Variants in TEP1 observed in about 807,000 individuals in gnomAD.
TEP1 encodes the protein telomerase associated protein 1, also known as telomerase protein component 1.
Under a neutral mutation model 306.3 loss-of-function variants are expected in TEP1, and 241 were observed. That is an observed-to-expected ratio of 0.79 (90% CI 0.71 to 0.88). TEP1 has a LOEUF of 0.88. TEP1 is among the 40% of genes least tolerant of loss of function. The pLI is 0.00. For missense variants in TEP1, 3,051 were observed against 3,276.1 expected, an observed-to-expected ratio of 0.93 and a Z score of 1.68; for synonymous variants, 1,289 against 1,305.5, an observed-to-expected ratio of 0.99 and a Z score of 0.27.
In TEP1 at chr14:20,403,394, T is replaced by G; in HGVS notation, c.1249A>C (p.Arg417=). 2 of 1,614,084 alleles carry G rather than the reference T, an allele frequency of 1.2e-6. No individual in the cohort carries two copies. The highest frequency in any genetic ancestry group is 1.7e-6 in the Non-Finnish European group (2 of 1,179,952). Residue 417 remains arginine (R), a synonymous_variant, in exon 7 of 55, where the codon AGA becomes CGA. Transcript: ENST00000262715. ...RCFPRYIGFL[R]EEQRKFEKAG... ...GGACTCACCTTTCTCTGCTCTTCTC[T>G]GAGAAACCCTATGTACCTTGGAAAA...
rs931480989 is a variant in TEP1, at chr14:20,384,488, C to A, written c.3242G>T (p.Gly1081Val). ...TCRRYPCEWGGVAAGRPYVGG... is the reference protein window; with the variant it reads ...TCRRYPCEWGVVAAGRPYVGG... The stretch of plus-strand genomic sequence containing the variant: ...AACATAGGGCCGGCCAGCTGCCACA[C>A]CCCCCCACTCACAGGGGTATCTGTG... The change falls in exon 23 of 55, where the codon GGT becomes GTT. Residue 1081 changes from glycine (G) to valine (V), a missense_variant. Transcript: ENST00000262715. The A allele has an allele frequency of 1.2e-6, 2 of 1,613,530 alleles. No homozygotes were observed. Among genetic ancestry groups the A allele is most frequent in the African/African-American group, 2.7e-5 (2 of 75,008 alleles).
chr14:20,375,315 C>T (rs1326118228), intron 43 of TEP1, among the ~76,000 whole-genome samples: 1 of 152,084 alleles, frequency 6.6e-6, no homozygotes, highest in Non-Finnish European at 1.5e-5. Flanking sequence ...TGTCACCACG[C>T]CTGGCTAATT....
At chr14:20,394,513 C>T (rs367966080) in intron 12 of TEP1, among the ~76,000 whole-genome samples, 140 of 131,640 alleles carry the variant, frequency 1.1e-3, no homozygotes, top group African/African-American at 3.8e-3. Flanking sequence ...GAGTCTCACT[C>T]TTGTTGCCCA....
At chr14:20,411,011 A>T (rs896726905) in intron 1 of TEP1, among the ~76,000 whole-genome samples, 1 of 151,666 alleles carries the variant, frequency 6.6e-6, no homozygotes, top group Non-Finnish European at 1.5e-5. Flanking sequence ...TAGTAGAGAC[A>T]GGGTTTCACC....
chr14:20,377,839 G>T, intron 39 of TEP1, 86 bp from the exon 40 acceptor site: 1 of 1,553,494 alleles, frequency 6.4e-7, no homozygotes, highest in Non-Finnish European at 8.8e-7. Flanking sequence ...CCCCATTAAA[G>T]TCCTCCTTCC....
intron 16 of TEP1, 133 bp from the exon 17 acceptor site, chr14:20,389,430 T>A: frequency 7.0e-7 from 1 of 1,420,726 alleles, no homozygotes; most frequent in South Asian, 1.2e-5. Flanking sequence ...AGGGCTAGGG[T>A]GGACTCTCAC....
chr14:20,393,669 G>A (rs12882604), intron 12 of TEP1, among the ~76,000 whole-genome samples: 25,391 of 151,988 alleles, frequency 0.17, 2,962 homozygotes, highest in East Asian at 0.32. Flanking sequence ...GTATGCACCT[G>A]TAATCCCAGC....
Position 20,401,585 on chromosome 14 carries a change from T to C in TEP1, c.1267-4A>G. On this transcript the variant is annotated splice_region_variant and splice_polypyrimidine_tract_variant and intron_variant, in intron 7 of 54. Coordinates refer to ENST00000262715, the MANE Select transcript of TEP1 (RefSeq NM_007110.5). ...CTGTATCACCGGCCTTCTCAAACTG[T>C]GGAAACATCCCCAAGTCCCACAGGG... The C allele has an allele frequency of 6.2e-7, 1 of 1,614,012 alleles. No homozygotes were observed. The highest frequency in any genetic ancestry group is 8.5e-7 in the Non-Finnish European group (1 of 1,179,966).
rs1884715518 is a variant in TEP1 at position 20,369,794 on chromosome 14, G to T, written c.7318-15C>A. ...TCCTTTTGCCTCTGTGAAAGAATAG[G>T]TAATTTTGTTTAGCCTACCCATATG... On this transcript the variant is annotated splice_polypyrimidine_tract_variant and intron_variant, in intron 51 of 54. Coordinates refer to ENST00000262715, the MANE Select transcript of TEP1 (RefSeq NM_007110.5). 6.2e-7 allele frequency: 1 copy of T among 1,607,996 alleles called. No individual in the cohort carries two copies. Among genetic ancestry groups the T allele is most frequent in the African/African-American group, 1.3e-5 (1 of 74,682 alleles).
At chr14:20,369,804 T>G (rs201001220) in intron 51 of TEP1, 25 bp from the exon 52 acceptor site, 2 of 1,589,884 alleles carry the variant, frequency 1.3e-6, no homozygotes, top group East Asian at 4.5e-5. Context: ...GTAATTTTGT[T>G]TAGCCTACCC....
In TEP1 at chr14:20,371,358, G is replaced by A. The variant is rs759200532; in HGVS notation, c.7221-44C>T. The A allele has an allele frequency of 4.4e-6, 7 of 1,601,966 alleles. No individual in the cohort carries two copies. The East Asian group carries it at 1.6e-4, about 36-fold the overall frequency. The stretch of plus-strand genomic sequence containing the variant: ...ATAGGTTGAGCTCAGGATTTAAAGA[G>A]AGGTAAAGAGAAGAACACCTCTCTT... On this transcript the variant is annotated intron_variant, in intron 50 of 54. Transcript: ENST00000262715.
rs776472678 is a variant in TEP1 at position 20,401,154 on chromosome 14, A to G, written c.1392-13T>C. 1 of 1,613,588 alleles carries G rather than the reference A, an allele frequency of 6.2e-7. No homozygotes were observed. The highest frequency in any genetic ancestry group is 1.1e-5 in the South Asian group (1 of 91,052). On this transcript the variant is annotated splice_polypyrimidine_tract_variant and intron_variant, in intron 8 of 54. Coordinates refer to ENST00000262715, the MANE Select transcript of TEP1 (RefSeq NM_007110.5). ...GTTGGAGGGGTATCTGAGGATAGGT[A>G]AGAAAGAGGTCTATCATTTCAGAGT...
chr14:20,409,625 A>G (rs1299054884), intron 1 of TEP1, among the ~76,000 whole-genome samples: 2 of 152,194 alleles, frequency 1.3e-5, no homozygotes, highest in Non-Finnish European at 2.9e-5. Flanking sequence ...TGGAGTTGGA[A>G]GTGAGACAGA....
chr14:20,409,796 G>A (rs1231358487), intron 1 of TEP1, among the ~76,000 whole-genome samples: 6 of 151,888 alleles, frequency 4.0e-5, no homozygotes, highest in African/African-American at 9.7e-5. Flanking sequence ...CGAGGCGGGC[G>A]GATCACAAGG....
intron 4 of TEP1, 71 bp downstream of exon 4, chr14:20,405,380 C>A: frequency 6.4e-7 from 1 of 1,553,604 alleles, no homozygotes; most frequent in Non-Finnish European, 8.7e-7. Flanking sequence ...GTCACCACCC[C>A]GCCACACACC....
chr14:20,386,918 T>A (rs529843171), intron 18 of TEP1, among the ~76,000 whole-genome samples: 16 of 152,204 alleles, frequency 1.1e-4, no homozygotes, highest in African/African-American at 3.4e-4. Flanking sequence ...ATCTCCATTT[T>A]AGCAATCAAG....
chr14:20,378,831 G>A lies in TEP1; in HGVS notation c.5275C>T (p.Gln1759Ter), dbSNP rs1190472234. The A allele has an allele frequency of 1.2e-6, 2 of 1,614,194 alleles. No homozygotes were observed. Among genetic ancestry groups the A allele is most frequent in the Admixed American group, 3.3e-5 (2 of 60,024 alleles). ...GCRVLQTKAH[Q>*]YQITGCCLSP... ...AGGCAGCAGCCAGTGATTTGGTACTGGTGAGCCTTAGTCTGCAGCACCCTA... is the reference window on the plus strand; with the variant it reads ...AGGCAGCAGCCAGTGATTTGGTACTAGTGAGCCTTAGTCTGCAGCACCCTA... The change falls in exon 37 of 55, where the codon CAG becomes TAG. Residue 1759 changes from glutamine to a stop codon, truncating the protein, a stop_gained. Coordinates refer to ENST00000262715, the MANE Select transcript of TEP1 (RefSeq NM_007110.5). LOFTEE classifies it high-confidence loss of function.
rs945836993 is a variant in TEP1, at chr14:20,377,496, G to A, written c.5876-4C>T. 1.2e-6 allele frequency: 2 copies of A among 1,613,430 alleles called. No individual in the cohort carries two copies. The highest frequency in any genetic ancestry group is 1.7e-6 in the Non-Finnish European group (2 of 1,179,510). On this transcript the variant is annotated splice_polypyrimidine_tract_variant and splice_region_variant and intron_variant, in intron 40 of 54. Transcript: ENST00000262715. The stretch of plus-strand genomic sequence containing the variant: ...TGACCCTGAGCCCCCTGGGAACCTA[G>A]AGAATGAGAGAGAACAAGGGAGTAA...
At chr14:20,374,101 T>C (rs1248802105) in intron 44 of TEP1, among the ~76,000 whole-genome samples, 8 of 151,736 alleles carry the variant, frequency 5.3e-5, no homozygotes, top group Non-Finnish European at 7.4e-5. Context: ...TTTTTTTTTT[T>C]TTTAAAGATA....
Sources: allele counts gnomAD v4.1 joint callset (sites outside exome capture counted in the v4.1 genomes callset), GRCh38; gene constraint gnomAD v4.1.1; transcripts MANE v1.5; gene names NCBI Gene and HGNC (gene_info 2026-07-23, HGNC 2026-07-21).